The following FAM185A variants were observed in gnomAD, a reference collection of about 807,000 sequenced individuals.
The protein encoded by FAM185A is protein FAM185A.
Under a neutral mutation model 45.7 loss-of-function variants are expected in FAM185A, and 21 were observed. That is an observed-to-expected ratio of 0.46 (90% CI 0.33 to 0.66). The LOEUF is 0.66. FAM185A is among the 30% of genes least tolerant of loss of function. FAM185A has a pLI of 0.03. For missense variants in FAM185A, 305 were observed against 485.4 expected (o/e 0.63, Z 3.49); for synonymous variants, 117 against 194.0 (o/e 0.60, Z 3.30).
chr7:102,848,058 C>A, the FAM185A span, among the ~76,000 whole-genome samples: 4 of 152,218 alleles, frequency 2.6e-5, no homozygotes, highest in African/African-American at 9.6e-5. Context: ...CATGTAAACA[C>A]ACATATATGC....
At position 102,751,774 on chromosome 7, in the gene FAM185A, T is replaced by C. The variant is rs963548897; in HGVS notation, c.534T>C (p.His178=). The stretch of plus-strand genomic sequence containing the variant: ...ATAATTGCAAAATTGAAACAGAGCA[T>C]GGGACTAGTATCTTGCAGTCTGTTA... The part of the protein sequence containing the change: ...EGDNCKIETE[H]GTSILQSVKG... The change falls in exon 2 of 8, where the codon CAT becomes CAC. Residue 178 remains histidine, a synonymous_variant. Transcript: ENST00000413034. 3 of 1,551,322 alleles carry C rather than the reference T, an allele frequency of 1.9e-6. No individual in the cohort carries two copies. The highest frequency in any genetic ancestry group is 2.7e-5 in the African/African-American group (2 of 73,026).
the FAM185A span, among the ~76,000 whole-genome samples, chr7:102,828,102 A>T: frequency 1.0e-3 from 152 of 152,218 alleles, no homozygotes; most frequent in East Asian, 0.01. Context: ...TAAAGTAGTT[A>T]TTTCCAATTC....
chr7:102,749,159 A>C lies in FAM185A; in HGVS notation c.-49A>C, dbSNP rs924498284. 3.9e-6 allele frequency: 6 copies of C among 1,550,254 alleles called. No homozygotes were observed. The highest frequency in any genetic ancestry group is 5.2e-6 in the Non-Finnish European group (6 of 1,146,474). On this transcript the variant is annotated 5_prime_UTR_variant, in exon 1 of 8. Transcript: ENST00000413034. ...CCAAGTCGATTGGCCGTGGCAAGTG[A>C]CCCTCCCTGTGGCTGAAGTGTTCTG...
the FAM185A span, among the ~76,000 whole-genome samples, chr7:102,815,785 G>C: frequency 6.6e-6 from 1 of 152,046 alleles, no homozygotes; most frequent in Non-Finnish European, 1.5e-5. Flanking sequence ...CTAATGATAA[G>C]TCTGGGAAAG....
the FAM185A span, among the ~76,000 whole-genome samples, chr7:102,834,090 G>GGAAGGAAGGAAGGAAGGA: frequency 2.0e-4 from 14 of 70,504 alleles, 1 homozygote; most frequent in East Asian, 1.9e-3. Flanking sequence ...GGAAAGAAAA[G>GGAAGGAAGGAAGGAAGGA]AAAGAAAGAA....
At chr7:102,805,990 A>C (rs1225798498) in intron 7 of FAM185A, among the ~76,000 whole-genome samples, 1 of 152,162 alleles carries the variant, frequency 6.6e-6, no homozygotes, top group Non-Finnish European at 1.5e-5. Flanking sequence ...GCTTCCCCTT[A>C]TCTGAAGTCC....
chr7:102,837,031 C>T, the FAM185A span, among the ~76,000 whole-genome samples: 3 of 152,146 alleles, frequency 2.0e-5, no homozygotes, highest in Admixed American at 2.0e-4. Context: ...TTTTGGCTGC[C>T]CCAAAGGCTA....
intron 7 of FAM185A, among the ~76,000 whole-genome samples, chr7:102,797,739 G>GTT (rs775003517): frequency 6.6e-6 from 1 of 152,176 alleles, no homozygotes; most frequent in Non-Finnish European, 1.5e-5. Context: ...GGCCCAAAGT[G>GTT]TTTGTAGTAT....
rs1183611956 is a variant in FAM185A, at chr7:102,749,091, A to AC, written c.-114dup. ...AACCGGCTCGCTCTTGTTTCAGCAA[A>AC]CCCTGACTTACGTCTCCTATTTGAC... On this transcript the variant is annotated 5_prime_UTR_variant, in exon 1 of 8. An upstream open reading frame in the 5' UTR gains an earlier in-frame stop. Coordinates refer to ENST00000413034, the MANE Select transcript of FAM185A (RefSeq NM_001145268.2). 1 of 1,434,690 alleles carries AC rather than the reference A, an allele frequency of 7.0e-7. No homozygotes were observed. Among genetic ancestry groups the AC allele is most frequent in the African/African-American group, 1.4e-5 (1 of 70,790 alleles). The allele number at this position is 1,434,690 out of a possible 1,614,324, so 88.9% of individuals were successfully genotyped here. A position where few individuals can be genotyped will look rare whatever the true frequency, so the allele number is the denominator to read the frequency against.
chr7:102,835,318 C>T, the FAM185A span, among the ~76,000 whole-genome samples: 2 of 152,126 alleles, frequency 1.3e-5, no homozygotes, highest in Admixed American at 6.5e-5. Context: ...GATAATCAAG[C>T]ATAGTGGGGC....
Position 102,749,261 on chromosome 7 carries a change from T to A in FAM185A, c.54T>A (p.Arg18=). Reference sequence around the variant, plus strand: ...TTGGCTGCTTCCGTCTCTGTCTCCGTCAGGTCCGACTGTGGGCTGGCGCTG... The same window carrying A: ...TTGGCTGCTTCCGTCTCTGTCTCCGACAGGTCCGACTGTGGGCTGGCGCTG... The part of the protein sequence containing the change: ...WELGCFRLCL[R]QVRLWAGAGR... The change falls in exon 1 of 8, where the codon CGT becomes CGA. Residue 18 remains arginine (R), a synonymous_variant. Transcript: ENST00000413034. 1 of 1,550,716 alleles carries A rather than the reference T, an allele frequency of 6.4e-7. No homozygotes were observed.
rs1187092719 is a variant in FAM185A, at chr7:102,761,348, C to G, written c.730C>G (p.Leu244Val). 6.5e-7 allele frequency: 1 copy of G among 1,545,714 alleles called. No individual in the cohort carries two copies. The highest frequency in any genetic ancestry group is 1.4e-5 in the African/African-American group (1 of 72,558). Residue 244 changes from leucine to valine, a missense_variant, in exon 4 of 8, where the codon CTT becomes GTT. Physicochemically the swap from Leu to Val is conservative, Grantham distance 32. Coordinates refer to ENST00000413034, the MANE Select transcript of FAM185A (RefSeq NM_001145268.2). ...AGATGGTTTGCTGAAAGCCAAGTAT[C>G]TTTATACAGAATCATCATTTCTGTC... ...TEDGLLKAKY[L>V]YTESSFLSSA...
At chr7:102,788,353 T>C (rs1351171805) in intron 7 of FAM185A, among the ~76,000 whole-genome samples, 1 of 152,116 alleles carries the variant, frequency 6.6e-6, no homozygotes, top group African/African-American at 2.4e-5. Flanking sequence ...AAGGAGGACA[T>C]TGCAATTAGA....
chr7:102,814,932 T>C, the FAM185A span, among the ~76,000 whole-genome samples: 1 of 152,228 alleles, frequency 6.6e-6, no homozygotes, highest in East Asian at 1.9e-4. Flanking sequence ...CTTTTGCTTT[T>C]CCCACATTAT....
the FAM185A span, among the ~76,000 whole-genome samples, chr7:102,847,894 G>A: frequency 6.6e-6 from 1 of 152,040 alleles, no homozygotes; most frequent in African/African-American, 2.4e-5. Context: ...GCCTAGAAAT[G>A]TATAATCACA....
the FAM185A span, among the ~76,000 whole-genome samples, chr7:102,849,285 A>G: frequency 3.9e-5 from 6 of 152,352 alleles, 1 homozygote; most frequent in Admixed American, 2.6e-4. Context: ...TGTTGTTCTC[A>G]GAAAAGAACT....
chr7:102,773,142 AT>A (rs1794858322), intron 5 of FAM185A, among the ~76,000 whole-genome samples: 1 of 148,300 alleles, frequency 6.7e-6, no homozygotes, highest in Non-Finnish European at 1.5e-5. Context: ...AAAGAGTTAT[AT>A]AAAATTCTGG....
intron 6 of FAM185A, among the ~76,000 whole-genome samples, chr7:102,781,874 T>G (rs979183205): frequency 6.6e-6 from 1 of 152,042 alleles, no homozygotes; most frequent in Non-Finnish European, 1.5e-5. Context: ...AGGAGGAAGT[T>G]TGAACCCATG....
the FAM185A span, chr7:102,814,524 T>C: frequency 1.3e-5 from 2 of 152,222 alleles, no homozygotes; most frequent in African/African-American, 4.8e-5. Flanking sequence ...AAACTTTAGA[T>C]GTATTAAAAT....
Sources: gnomAD v4.1 joint callset for allele counts (sites outside exome capture counted in the v4.1 genomes callset) on GRCh38, gnomAD v4.1.1 for gene constraint, MANE v1.5 for transcripts, NCBI Gene and HGNC (gene_info 2026-07-23, HGNC 2026-07-21) for gene names.